Variants in TM4SF5 observed in about 807,000 individuals in gnomAD.
TM4SF5 encodes transmembrane 4 L six family member 5, also known as transmembrane 4 L6 family member 5.
Under a neutral mutation model 22.3 loss-of-function variants are expected in TM4SF5, and 16 were observed. The ratio of observed to expected loss-of-function variants is 0.72; its 90% confidence interval spans 0.49 to 1.09. TM4SF5 has a LOEUF of 1.09. TM4SF5 is among the 50% of genes least tolerant of loss of function. The pLI, the probability that TM4SF5 is intolerant of heterozygous loss-of-function variation, is 0.00. For synonymous variants in TM4SF5, 113 were observed against 109.6 expected, an observed-to-expected ratio of 1.03 and a Z score of -0.19; for missense variants, 249 against 266.1, an observed-to-expected ratio of 0.94 and a Z score of 0.45.
In TM4SF5 at chr17:4,782,605, A is replaced by G. The variant is rs114507423; in HGVS notation, c.361A>G (p.Asn121Asp). ...CCGAAATGGACCCAGATGCTTAATGAACGGCGAGTGGGGCTACCACTTCGA... is the reference window on the plus strand; with the variant it reads ...CCGAAATGGACCCAGATGCTTAATGGACGGCGAGTGGGGCTACCACTTCGA... ...GLRNGPRCLMNGEWGYHFEDT... is the reference protein window; with the variant it reads ...GLRNGPRCLMDGEWGYHFEDT... Residue 121 changes from asparagine to aspartate, a missense_variant, in exon 3 of 5, where the codon AAC becomes GAC. Coordinates refer to ENST00000270560, the MANE Select transcript of TM4SF5 (RefSeq NM_003963.3). The G allele has an allele frequency of 2.1e-4, 332 of 1,613,944 alleles. No individual in the cohort carries two copies. In the African/African-American group the frequency reaches 2.4e-3, roughly 11 times the overall value.
At chr17:4,782,794 G>C (rs1213230942) in intron 3 of TM4SF5, 60 bp from the exon 4 acceptor site, 1 of 1,578,262 alleles carries the variant, frequency 6.3e-7, no homozygotes, top group South Asian at 1.2e-5. Context: ...ACGTATTCTT[G>C]GGGGCGGGGT....
chr17:4,777,282 G>C (rs1274912882), intron 1 of TM4SF5, among the ~76,000 whole-genome samples: 1 of 152,064 alleles, frequency 6.6e-6, no homozygotes, highest in Non-Finnish European at 1.5e-5. Flanking sequence ...GACTAGGCCA[G>C]TGGCTATGGA....
chr17:4,782,637 C>A lies in TM4SF5; in HGVS notation c.393C>A (p.Thr131=). The A allele has an allele frequency of 6.2e-7, 1 of 1,614,152 alleles. No individual in the cohort carries two copies. Among genetic ancestry groups the A allele is most frequent in the Non-Finnish European group, 8.5e-7 (1 of 1,180,016 alleles). ...AGTGGGGCTACCACTTCGAAGACACCGCGTAAGGTTTAGCCTGTATTCGTG... is the reference window on the plus strand; with the variant it reads ...AGTGGGGCTACCACTTCGAAGACACAGCGTAAGGTTTAGCCTGTATTCGTG... ...NGEWGYHFED[T]AGAYLLNRTL... is the part of the protein sequence containing the mutation. The change falls in exon 3 of 5, where the codon ACC becomes ACA. Residue 131 remains threonine (T), a splice_region_variant and synonymous_variant. Transcript: ENST00000270560.
At chr17:4,780,180 C>T (rs568033366) in intron 1 of TM4SF5, among the ~76,000 whole-genome samples, 4 of 152,024 alleles carry the variant, frequency 2.6e-5, no homozygotes, top group South Asian at 4.1e-4. Context: ...CTCAGCCCCC[C>T]GAGTAGCTGA....
chr17:4,773,461 G>A (rs1371572243), intron 1 of TM4SF5, among the ~76,000 whole-genome samples: 1 of 151,964 alleles, frequency 6.6e-6, no homozygotes, highest in Non-Finnish European at 1.5e-5. Context: ...ATATCTTCAT[G>A]CGATAAAGAC....
intron 1 of TM4SF5, 101 bp from the exon 2 acceptor site, chr17:4,780,688 G>A (rs1917285917): frequency 4.6e-6 from 4 of 871,630 alleles, no homozygotes; most frequent in Admixed American, 5.3e-5. Context: ...CCAAAGGGCT[G>A]AAGGCATCAC....
At chr17:4,781,336 A>G (rs1006374998) in intron 2 of TM4SF5, among the ~76,000 whole-genome samples, 1 of 151,260 alleles carries the variant, frequency 6.6e-6, no homozygotes, top group African/African-American at 2.4e-5. Flanking sequence ...GTCTCAAAAA[A>G]AAGAAAAGAA....
intron 2 of TM4SF5, among the ~76,000 whole-genome samples, chr17:4,781,753 G>T (rs1020221135): frequency 2.6e-5 from 4 of 152,076 alleles, no homozygotes; most frequent in African/African-American, 9.6e-5. Flanking sequence ...GGCCTCAGGC[G>T]ATCTGCCCCC....
At position 4,772,094 on chromosome 17, in the gene TM4SF5, C is replaced by T. The variant is rs751392846; in HGVS notation, c.172C>T (p.Leu58=). The T allele has an allele frequency of 6.2e-7, 1 of 1,614,156 alleles. No individual in the cohort carries two copies. The highest frequency in any genetic ancestry group is 1.1e-5 in the South Asian group (1 of 91,088). The change falls in exon 1 of 5, where the codon CTA becomes TTA. Residue 58 remains leucine (L), a synonymous_variant. Coordinates refer to ENST00000270560, the MANE Select transcript of TM4SF5 (RefSeq NM_003963.3). ...CATGGGCGGCTTCATTGGCGGGGGC[C>T]TAATGGTGAGAAGGCTGGCAGGGGA... The part of the protein sequence containing the change: ...WLMGGFIGGG[L]MVLCPGIAAV...
Position 4,781,135 on chromosome 17 carries a change from TAAAAAAAA to T in TM4SF5, c.258+284_258+291del, listed in dbSNP as rs541886050. On this transcript the variant is annotated intron_variant, in intron 2 of 4. Transcript: ENST00000270560. The stretch of plus-strand genomic sequence containing the variant: ...GTCCAGGCTGCAGTAAGCAGTGATT[TAAAAAAAA>T]AAAAAAAAAAAAAAAAAGAAGAGAA... Among the ~76,000 whole-genome samples the T allele has an allele frequency of 6.1e-4, 76 of 125,182 alleles. 2 individuals are homozygous for T. Among genetic ancestry groups the T allele is most frequent in the African/African-American group, 2.1e-3 (68 of 32,540 alleles). 82.1% of individuals were successfully genotyped at this position (125,182 alleles called of 152,430 possible).
At chr17:4,773,887 C>G (rs955876885) in intron 1 of TM4SF5, among the ~76,000 whole-genome samples, 9 of 152,176 alleles carry the variant, frequency 5.9e-5, no homozygotes, top group Admixed American at 1.3e-4. Flanking sequence ...TTCACAGCTG[C>G]CTTCCCTCCA....
chr17:4,778,684 A>T (rs1031090205), intron 1 of TM4SF5, among the ~76,000 whole-genome samples: 1 of 152,084 alleles, frequency 6.6e-6, no homozygotes, highest in Non-Finnish European at 1.5e-5. Flanking sequence ...CAGGCAAAGA[A>T]CCTGACCTGG....
At chr17:4,772,839 C>T (rs746864267) in intron 1 of TM4SF5, among the ~76,000 whole-genome samples, 7 of 151,732 alleles carry the variant, frequency 4.6e-5, no homozygotes, top group Admixed American at 6.6e-5. Context: ...CCTCAGCCTC[C>T]GAGCAGCTGG....
chr17:4,780,212 C>T (rs547272885), intron 1 of TM4SF5, among the ~76,000 whole-genome samples: 4 of 152,126 alleles, frequency 2.6e-5, no homozygotes, highest in Non-Finnish European at 4.4e-5. Context: ...TGCGCCACCA[C>T]GCCCGGCTAA....
At chr17:4,778,469 T>A (rs1160643444) in intron 1 of TM4SF5, among the ~76,000 whole-genome samples, 2 of 151,868 alleles carry the variant, frequency 1.3e-5, no homozygotes, top group Non-Finnish European at 2.9e-5. Flanking sequence ...TAGCCAGGCA[T>A]GTTGTTCCGC....
At chr17:4,778,873 T>C (rs1197899493) in intron 1 of TM4SF5, among the ~76,000 whole-genome samples, 2 of 151,318 alleles carry the variant, frequency 1.3e-5, no homozygotes. Context: ...CTGGCCAACA[T>C]GATGAAACCC....
Position 4,782,916 on chromosome 17 carries a change from C to T in TM4SF5, c.458C>T (p.Pro153Leu). 1 of 1,614,228 alleles carries T rather than the reference C, an allele frequency of 6.2e-7. No individual in the cohort carries two copies. The highest frequency in any genetic ancestry group is 8.5e-7 in the Non-Finnish European group (1 of 1,180,042). ...TGCGAGGCGCCCCCTCGCGTGGTCCCCTGGAATGTGACGCTCTTCTCGCTG... is the reference window on the plus strand; with the variant it reads ...TGCGAGGCGCCCCCTCGCGTGGTCCTCTGGAATGTGACGCTCTTCTCGCTG... Reference protein sequence around the residue: ...DRCEAPPRVVPWNVTLFSLLV... With the variant: ...DRCEAPPRVVLWNVTLFSLLV... Residue 153 changes from proline to leucine, a missense_variant, in exon 4 of 5, where the codon CCC (proline) becomes CTC (leucine). By Grantham distance (98) the Pro-to-Leu change is moderately conservative (BLOSUM62 -3). Coordinates refer to ENST00000270560, the MANE Select transcript of TM4SF5 (RefSeq NM_003963.3).
chr17:4,782,639 C>A lies in TM4SF5; in HGVS notation c.395C>A (p.Ala132Glu), dbSNP rs1016530328. The A allele has an allele frequency of 1.9e-6, 3 of 1,614,126 alleles. No homozygotes were observed. The highest frequency in any genetic ancestry group is 2.5e-6 in the Non-Finnish European group (3 of 1,180,016). Residue 132 changes from alanine to glutamate, a missense_variant and splice_region_variant, in exon 3 of 5, where the codon GCG (alanine) becomes GAG (glutamate). Transcript: ENST00000270560. Reference protein sequence around the residue: ...GEWGYHFEDTAGAYLLNRTLW... With the variant: ...GEWGYHFEDTEGAYLLNRTLW... ...TGGGGCTACCACTTCGAAGACACCG[C>A]GTAAGGTTTAGCCTGTATTCGTGTC...
intron 3 of TM4SF5, 56 bp downstream of exon 3, chr17:4,782,695 T>G: frequency 1.2e-6 from 2 of 1,603,724 alleles, no homozygotes; most frequent in Non-Finnish European, 1.7e-6. Flanking sequence ...CTCCCGCCCT[T>G]CCCCCGTGGA....
Sources: allele counts gnomAD v4.1 joint callset (sites outside exome capture counted in the v4.1 genomes callset), GRCh38; gene constraint gnomAD v4.1.1; transcripts MANE v1.5; gene names NCBI Gene and HGNC (gene_info 2026-07-23, HGNC 2026-07-21).